IGF2R: variants seen among roughly 807,000 people sequenced by gnomAD.
The protein encoded by IGF2R is cation-independent mannose-6-phosphate receptor.
In IGF2R, 91 loss-of-function variants were observed where a neutral mutation model predicts 270.6. The observed-to-expected ratio is 0.34, with a 90% CI of 0.28 to 0.40. IGF2R has a LOEUF of 0.40. Among genes scored for constraint, IGF2R ranks in the 10% least tolerant of loss-of-function variants. The probability of loss-of-function intolerance (pLI) is 1.00; values close to 1 mark genes in which losing one functional copy is unlikely to be tolerated. For synonymous variants in IGF2R, 1,316 were observed against 1,258.9 expected (o/e 1.05, Z -0.96); for missense variants, 2,805 against 3,188.3 (o/e 0.88, Z 2.90).
intron 7 of IGF2R, among the ~76,000 whole-genome samples, chr6:160,030,000 G>T (rs1283017611): frequency 6.6e-6 from 1 of 152,160 alleles, no homozygotes; most frequent in Non-Finnish European, 1.5e-5. Context: ...TTAGTGAATA[G>T]TGGAAAAACG....
intron 22 of IGF2R, among the ~76,000 whole-genome samples, chr6:160,060,052 AG>A (rs1271108680): frequency 6.6e-6 from 1 of 152,270 alleles, no homozygotes; most frequent in East Asian, 1.9e-4. Context: ...CCGCTGTTGC[AG>A]TGTGTAAAGC....
Position 160,106,690 on chromosome 6 carries a change from A to G in IGF2R, c.*1606A>G, listed in dbSNP as rs184828984. On this transcript the variant is annotated 3_prime_UTR_variant, in exon 48 of 48. Coordinates refer to ENST00000356956, the MANE Select transcript of IGF2R (RefSeq NM_000876.4). ...TCTCGTTGACCCTTTATGAGGCAGC[A>G]CTTTCATTTTTCTCCAGAGTCTCCT... 2 of 152,190 alleles carry G rather than the reference A, an allele frequency of 1.3e-5. No individual in the cohort carries two copies. Among genetic ancestry groups the G allele is most frequent in the Non-Finnish European group, 1.5e-5 (1 of 68,000 alleles). The allele number at this position is 152,190 out of a possible 1,614,324, so 9.4% of individuals were successfully genotyped here.
chr6:160,047,761 G>T, intron 16 of IGF2R, 31 bp from the exon 17 acceptor site: 2 of 1,318,458 alleles, frequency 1.5e-6, no homozygotes, highest in Non-Finnish European at 2.2e-6. Context: ...TTCTCTTTTT[G>T]CCATCCCTCC....
chr6:160,008,966 A>T, intron 2 of IGF2R, 44 bp from the exon 3 acceptor site: 1 of 1,601,568 alleles, frequency 6.2e-7, no homozygotes, highest in Non-Finnish European at 8.5e-7. Flanking sequence ...CTGTTTGGTT[A>T]TGTATGTTTT....
At position 160,010,780 on chromosome 6, in the gene IGF2R, A is replaced by G; in HGVS notation, c.508A>G (p.Lys170Glu). ...CAAGAAAGACATATTTAAAGCAAAT[A>G]AGGAGGTAACATGGGAACTTCAAAT... ...ACKKDIFKAN[K>E]EVPCYVFDEE... is the part of the protein sequence containing the mutation. Residue 170 changes from lysine to glutamate, a missense_variant, in exon 4 of 48, where the codon AAG (lysine) becomes GAG (glutamate). Around this residue, in one of 2 missense-constraint regions of IGF2R, gnomAD observed 954 missense variants for 981.1 expected, o/e 0.97. Transcript: ENST00000356956. 6.3e-7 allele frequency: 1 copy of G among 1,587,556 alleles called. No homozygotes were observed. The highest frequency in any genetic ancestry group is 1.1e-5 in the South Asian group (1 of 90,534).
chr6:159,974,771 G>A (rs902915321), intron 1 of IGF2R, among the ~76,000 whole-genome samples: 1 of 152,130 alleles, frequency 6.6e-6, no homozygotes, highest in African/African-American at 2.4e-5. Flanking sequence ...AGGCCCTGGA[G>A]GGGAGGGGGC....
At chr6:160,092,698 A>G (rs1779253189) in intron 44 of IGF2R, among the ~76,000 whole-genome samples, 1 of 152,176 alleles carries the variant, frequency 6.6e-6, no homozygotes, top group African/African-American at 2.4e-5. Context: ...GGAACAGTCC[A>G]TTCAGCAGCC....
At chr6:159,990,233 T>G (rs1270185048) in intron 1 of IGF2R, among the ~76,000 whole-genome samples, 1 of 152,210 alleles carries the variant, frequency 6.6e-6, no homozygotes, top group Non-Finnish European at 1.5e-5. Context: ...CTGATTAATA[T>G]GATTTGGCTG....
chr6:160,055,454 C>A (rs1778291473), intron 19 of IGF2R, among the ~76,000 whole-genome samples: 1 of 152,116 alleles, frequency 6.6e-6, no homozygotes, highest in African/African-American at 2.4e-5. Context: ...GAAGAAAGGG[C>A]CGCTCTCCCA....
chr6:160,068,233 G>T lies in IGF2R; in HGVS notation c.4116-16G>T. 6.2e-7 allele frequency: 1 copy of T among 1,613,966 alleles called. No homozygotes were observed. The highest frequency in any genetic ancestry group is 8.5e-7 in the Non-Finnish European group (1 of 1,179,862). On this transcript the variant is annotated splice_polypyrimidine_tract_variant and intron_variant, in intron 29 of 47. Coordinates refer to ENST00000356956, the MANE Select transcript of IGF2R (RefSeq NM_000876.4). Reference sequence around the variant, plus strand: ...TACGACCAAGCCTAACTAACTGCGGGTTTTCTTCTTTTCAGAGATGGGGCT... The same window carrying T: ...TACGACCAAGCCTAACTAACTGCGGTTTTTCTTCTTTTCAGAGATGGGGCT...
At position 160,032,662 on chromosome 6, in the gene IGF2R, G is replaced by A. The variant is rs201643806; in HGVS notation, c.994G>A (p.Gly332Ser). 1.7e-5 allele frequency: 28 copies of A among 1,614,144 alleles called. No homozygotes were observed. The highest frequency in any genetic ancestry group is 6.7e-5 in the Admixed American group (4 of 60,018). The change falls in exon 8 of 48, where the codon GGC (glycine) becomes AGC (serine). Residue 332 changes from glycine to serine, a missense_variant. By Grantham distance (56) the Gly-to-Ser change is moderately conservative (BLOSUM62 0). Around this residue, in one of 2 missense-constraint regions of IGF2R, gnomAD observed 954 missense variants for 981.1 expected, o/e 0.97. Coordinates refer to ENST00000356956, the MANE Select transcript of IGF2R (RefSeq NM_000876.4). ...YLESKTCSLS[G>S]EQQDVSIDLT... ...GGAAAGTAAAACTTGTTCTCTGAGCGGCGAGCAGCAGGATGTCTCCATAGA... is the reference window on the plus strand; with the variant it reads ...GGAAAGTAAAACTTGTTCTCTGAGCAGCGAGCAGCAGGATGTCTCCATAGA...
At chr6:160,063,123 T>A (rs1778477819) in intron 26 of IGF2R, among the ~76,000 whole-genome samples, 1 of 151,140 alleles carries the variant, frequency 6.6e-6, no homozygotes, top group Non-Finnish European at 1.5e-5. Flanking sequence ...CTGCAACCTC[T>A]GCCTCTTGGG....
chr6:160,029,429 A>G (rs1429646995), intron 6 of IGF2R, 121 bp from the exon 7 acceptor site: 1 of 595,666 alleles, frequency 1.7e-6, no homozygotes, highest in Non-Finnish European at 3.0e-6. Context: ...TTATATTTTA[A>G]TATTTCTTCT....
chr6:160,011,810 A>C (rs1465044067), intron 4 of IGF2R, among the ~76,000 whole-genome samples: 3 of 152,082 alleles, frequency 2.0e-5, no homozygotes, highest in African/African-American at 7.2e-5. Flanking sequence ...CCCAGATCCT[A>C]AAGGGAATTT....
rs1248431823 is a variant in IGF2R, at chr6:160,109,484, G to A, written c.*4400G>A. 1 of 152,170 alleles carries A rather than the reference G, an allele frequency of 6.6e-6. No individual in the cohort carries two copies. Among genetic ancestry groups the A allele is most frequent in the Admixed American group, 6.5e-5 (1 of 15,278 alleles). 9.4% of individuals were successfully genotyped at this position (152,170 alleles called of 1,614,324 possible). On this transcript the variant is annotated 3_prime_UTR_variant, in exon 48 of 48. Coordinates refer to ENST00000356956, the MANE Select transcript of IGF2R (RefSeq NM_000876.4). ...ACTATTTTTTCCCTGAATCATTTGAGACTAAGTTCCCTCCTATCACCAGAC... is the reference window on the plus strand; with the variant it reads ...ACTATTTTTTCCCTGAATCATTTGAAACTAAGTTCCCTCCTATCACCAGAC...
At position 160,050,761 on chromosome 6, in the gene IGF2R, C is replaced by A; in HGVS notation, c.2694+109C>A. 1.0e-6 allele frequency: 1 copy of A among 966,196 alleles called. No individual in the cohort carries two copies. Among genetic ancestry groups the A allele is most frequent in the South Asian group, 1.7e-5 (1 of 59,006 alleles). 59.9% of individuals were successfully genotyped at this position (966,196 alleles called of 1,614,324 possible). The stretch of plus-strand genomic sequence containing the variant: ...TCTTGGGGTGGGTGGCGGAGCTAGG[C>A]CAGTCTTAGTTCTGCTTAAGGTCAG... On this transcript the variant is annotated intron_variant, in intron 19 of 47. Transcript: ENST00000356956. The surrounding 1 kb of genome is among the most constrained non-coding windows in gnomAD (Gnocchi z 4.0).
chr6:160,089,817 AT>A, intron 43 of IGF2R, 98 bp from the exon 44 acceptor site: 1 of 777,190 alleles, frequency 1.3e-6, no homozygotes, highest in Non-Finnish European at 1.9e-6. Context: ...GAAAGGAAGC[AT>A]CCTGGGGCCC....
In IGF2R at chr6:160,063,557, C is replaced by G; in HGVS notation, c.3813C>G (p.Pro1271=). 1 of 1,614,234 alleles carries G rather than the reference C, an allele frequency of 6.2e-7. No individual in the cohort carries two copies. The highest frequency in any genetic ancestry group is 8.5e-7 in the Non-Finnish European group (1 of 1,180,046). Residue 1271 remains proline, a synonymous_variant, in exon 27 of 48, where the codon CCC becomes CCG. Transcript: ENST00000356956. The part of the protein sequence containing the change: ...VCGKLSSDVC[P]TSDKSKVVSS... ...GGAAGCTTTCCTCAGACGTCTGCCC[C>G]ACAAGTGACAAGTCCAAGGTGGTCT...
chr6:160,032,408 GAGGCAATT>G, intron 7 of IGF2R, 135 bp from the exon 8 acceptor site: 1 of 655,434 alleles, frequency 1.5e-6, no homozygotes, highest in Admixed American at 2.9e-5. Context: ...TAATGTGTTA[GAGGCAATT>G]ATGATTCAAA....
Sources: gnomAD v4.1 joint callset for allele counts (sites outside exome capture counted in the v4.1 genomes callset) on GRCh38, gnomAD v4.1.1 for gene constraint, gnomAD v4.1.1 regional missense constraint, Gnocchi (gnomAD v3.1) non-coding constraint, MANE v1.5 for transcripts, NCBI Gene and HGNC (gene_info 2026-07-23, HGNC 2026-07-21) for gene names.